RGS7: variants seen among roughly 807,000 people sequenced by gnomAD.
The protein encoded by RGS7 is regulator of G protein signaling 7.
RGS7 carries 27 observed loss-of-function variants against 81.1 expected under a neutral mutation model. The ratio of observed to expected loss-of-function variants is 0.33; its 90% CI spans 0.25 to 0.46. RGS7 has a LOEUF of 0.46. RGS7 is among the 20% of genes least tolerant of loss of function. The pLI, the probability that RGS7 is intolerant of heterozygous loss-of-function variation, is 1.00. For missense variants in RGS7, 396 were observed against 607.4 expected, an observed-to-expected ratio of 0.65 and a Z score of 3.66; for synonymous variants, 208 against 207.7, an observed-to-expected ratio of 1.00 and a Z score of -0.01.
At chr1:240,865,708 C>A (rs1663107603) in intron 9 of RGS7, among the ~76,000 whole-genome samples, 1 of 152,204 alleles carries the variant, frequency 6.6e-6, no homozygotes, top group African/African-American at 2.4e-5. Flanking sequence ...GAATTCATTT[C>A]TAGGGACAAA....
At chr1:241,256,504 G>C (rs1288074693) in intron 2 of RGS7, among the ~76,000 whole-genome samples, 1 of 152,156 alleles carries the variant, frequency 6.6e-6, no homozygotes, top group Non-Finnish European at 1.5e-5. Flanking sequence ...TCAAGCAACT[G>C]TCATACTCAG....
chr1:241,089,063 C>CTCTCTCTCTATA (rs1374552672), intron 3 of RGS7, among the ~76,000 whole-genome samples: 6 of 23,686 alleles, frequency 2.5e-4, no homozygotes, highest in Non-Finnish European at 3.0e-4. Context: ...CTCTCTCTCT[C>CTCTCTCTCTATA]TATATATATA....
intron 3 of RGS7, among the ~76,000 whole-genome samples, chr1:241,078,455 A>G (rs2062950654): frequency 7.7e-6 from 1 of 129,742 alleles, no homozygotes; most frequent in Non-Finnish European, 1.6e-5. Context: ...AGATATCTAT[A>G]CACACATAAT....
rs1014109186 is a variant in RGS7 at position 241,175,041 on chromosome 1, T to A, written c.79-76279A>T. 2.3e-4 allele frequency among the ~76,000 whole-genome samples: 35 copies of A among 151,848 alleles called. 1 individual carries two copies. Among genetic ancestry groups the A allele is most frequent in the African/African-American group, 8.5e-4 (35 of 41,322 alleles). The stretch of plus-strand genomic sequence containing the variant: ...CCTCAGCCTCCTAAGTAGCTGGGAT[T>A]ACAGGCGCCCACTACCATGCTTGGC... On this transcript the variant is annotated intron_variant, in intron 2 of 18. Coordinates refer to ENST00000440928, the MANE Select transcript of RGS7 (RefSeq NM_001364886.1).
chr1:241,041,992 C>T (rs1186259679), intron 3 of RGS7, among the ~76,000 whole-genome samples: 2 of 152,028 alleles, frequency 1.3e-5, no homozygotes, highest in African/African-American at 4.8e-5. Context: ...ATGAGGAAGG[C>T]GAGACATCCT....
chr1:241,060,523 C>A (rs1027683988), intron 3 of RGS7, among the ~76,000 whole-genome samples: 1 of 152,134 alleles, frequency 6.6e-6, no homozygotes, highest in Non-Finnish European at 1.5e-5. Context: ...ATGCCTCAAA[C>A]CAAGAAACTG....
intron 10 of RGS7, among the ~76,000 whole-genome samples, chr1:240,823,601 C>A (rs1045449455): frequency 6.6e-6 from 1 of 152,230 alleles, no homozygotes; most frequent in Admixed American, 6.5e-5. Context: ...GACAAGACGA[C>A]ACGCCGCGGT....
At chr1:240,978,097 C>G (rs1684412813) in intron 4 of RGS7, among the ~76,000 whole-genome samples, 1 of 152,156 alleles carries the variant, frequency 6.6e-6, no homozygotes, top group Non-Finnish European at 1.5e-5. Context: ...TTTACATTAA[C>G]CAGAATGCCA....
intron 2 of RGS7, among the ~76,000 whole-genome samples, chr1:241,253,959 T>C (rs373197288): frequency 1.3e-5 from 2 of 152,102 alleles, no homozygotes; most frequent in African/African-American, 2.4e-5. Flanking sequence ...GCAGAGGTTA[T>C]TGGTTTTGAT....
At chr1:240,939,610 T>A (rs927238492) in intron 4 of RGS7, among the ~76,000 whole-genome samples, 1 of 152,168 alleles carries the variant, frequency 6.6e-6, no homozygotes, top group Non-Finnish European at 1.5e-5. Flanking sequence ...CCAGATTGTT[T>A]CAAGTTGAAA....
intron 3 of RGS7, among the ~76,000 whole-genome samples, chr1:241,053,980 G>A (rs747613205): frequency 4.6e-5 from 7 of 151,998 alleles, no homozygotes; most frequent in Admixed American, 2.6e-4. Flanking sequence ...ATCCAGTCTC[G>A]GGTACGTCTT....
At chr1:241,094,636 GA>G (rs1348592881) in intron 3 of RGS7, among the ~76,000 whole-genome samples, 1 of 123,840 alleles carries the variant, frequency 8.1e-6, no homozygotes, top group Non-Finnish European at 1.7e-5. Context: ...CAAAAACAAA[GA>G]AAAGTCTTAG....
intron 2 of RGS7, among the ~76,000 whole-genome samples, chr1:241,155,862 AG>A (rs1223735992): frequency 3.3e-4 from 51 of 152,332 alleles, no homozygotes; most frequent in African/African-American, 1.2e-3. Context: ...AATGGATCAT[AG>A]GCTGAGAATC....
intron 3 of RGS7, among the ~76,000 whole-genome samples, chr1:241,015,295 A>G (rs988101299): frequency 2.0e-5 from 3 of 152,306 alleles, no homozygotes; most frequent in Non-Finnish European, 2.9e-5. Context: ...TTTCTGGGCT[A>G]ATTGTTCTGC....
intron 4 of RGS7, among the ~76,000 whole-genome samples, chr1:240,966,142 A>G (rs781380074): frequency 2.0e-5 from 3 of 151,972 alleles, no homozygotes; most frequent in Non-Finnish European, 2.9e-5. Context: ...AGAAACACTA[A>G]CCTACTCATT....
At chr1:241,309,070 G>A (rs531814389) in intron 2 of RGS7, among the ~76,000 whole-genome samples, 202 of 152,154 alleles carry the variant, frequency 1.3e-3, no homozygotes, top group South Asian at 7.5e-3. Context: ...AATTTTCAAG[G>A]AATGCAAGTC....
At chr1:241,046,530 T>A (rs1227192676) in intron 3 of RGS7, among the ~76,000 whole-genome samples, 2 of 152,218 alleles carry the variant, frequency 1.3e-5, no homozygotes, top group Non-Finnish European at 2.9e-5. Context: ...AAAAACCATT[T>A]GTCTTCAGTG....
At chr1:241,086,540 C>G (rs1010999152) in intron 3 of RGS7, among the ~76,000 whole-genome samples, 1 of 152,154 alleles carries the variant, frequency 6.6e-6, no homozygotes. Flanking sequence ...TTCATCATCT[C>G]TGCTCTAGAC....
intron 3 of RGS7, among the ~76,000 whole-genome samples, chr1:241,013,879 A>G (rs1229925319): frequency 2.0e-5 from 3 of 152,258 alleles, no homozygotes; most frequent in African/African-American, 7.2e-5. Flanking sequence ...GAGGGGACAG[A>G]GCAAGGTAAT....
Sources: gnomAD v4.1 joint callset for allele counts (sites outside exome capture counted in the v4.1 genomes callset) on GRCh38, gnomAD v4.1.1 for gene constraint, MANE v1.5 for transcripts, NCBI Gene and HGNC (gene_info 2026-07-23, HGNC 2026-07-21) for gene names.